The following NLN variants were observed in gnomAD, a reference collection of about 807,000 sequenced individuals.
The protein encoded by NLN is neurolysin.
In NLN, 64 loss-of-function variants were observed where a neutral mutation model predicts 79.9. The observed-to-expected ratio is 0.80, with a 90% CI of 0.65 to 0.99. The LOEUF (loss-of-function observed/expected upper bound fraction) is 0.99. Among genes scored for constraint, NLN ranks in the 50% least tolerant of loss-of-function variants. The probability of loss-of-function intolerance (pLI) is 0.00; values close to 1 mark genes in which losing one functional copy is unlikely to be tolerated. For missense variants in NLN, 835 were observed against 858.7 expected (o/e 0.97, Z 0.34); for synonymous variants, 267 against 296.6 (o/e 0.90, Z 1.02).
chr5:65,734,559 GACTCTGCCC>G (rs1480507788), intron 1 of NLN, among the ~76,000 whole-genome samples: 1 of 150,422 alleles, frequency 6.6e-6, no homozygotes, highest in Admixed American at 6.6e-5. Context: ...AAAAAAGAAA[GACTCTGCCC>G]ATTCTGCCCA....
At chr5:65,759,864 C>T (rs961043872) in intron 2 of NLN, among the ~76,000 whole-genome samples, 2 of 152,140 alleles carry the variant, frequency 1.3e-5, no homozygotes, top group Non-Finnish European at 1.5e-5. Flanking sequence ...TTATGTATTT[C>T]TCTATTTTCT....
intron 1 of NLN, among the ~76,000 whole-genome samples, chr5:65,740,230 G>A (rs1279739777): frequency 1.3e-5 from 2 of 152,134 alleles, no homozygotes; most frequent in Admixed American, 6.5e-5. Context: ...TCTGCATCTG[G>A]TGAGGGCCTT....
At chr5:65,722,577 C>CGCGGCCACCTGGG (rs1758341181) in intron 1 of NLN, among the ~76,000 whole-genome samples, 163 bp downstream of exon 1, 2 of 152,330 alleles carry the variant, frequency 1.3e-5, no homozygotes, top group East Asian at 1.9e-4. Context: ...GGACACCTGG[C>CGCGGCCACCTGGG]GCGGCCACCT....
At chr5:65,743,261 G>A (rs1438557988) in intron 1 of NLN, among the ~76,000 whole-genome samples, 3 of 152,140 alleles carry the variant, frequency 2.0e-5, no homozygotes, top group African/African-American at 7.2e-5. Context: ...CTACATTGGG[G>A]ATTAATTTAT....
chr5:65,809,556 C>T lies in NLN; in HGVS notation c.1569C>T (p.Asp523=). ...ARFSGTNVET[D]FVEVPSQMLE... ...TTAGCGGAACAAATGTGGAAACTGA[C>T]TTTGTAGAGGTGCCATCGCAAATGC... Residue 523 remains aspartate (D), a synonymous_variant, in exon 10 of 13, where the codon GAC becomes GAT. Transcript: ENST00000380985. The T allele has an allele frequency of 6.2e-6, 10 of 1,610,698 alleles. No individual in the cohort carries two copies. Among genetic ancestry groups the T allele is most frequent in the South Asian group, 1.1e-5 (1 of 90,084 alleles).
chr5:65,723,404 C>T (rs1758367014), intron 1 of NLN, among the ~76,000 whole-genome samples: 1 of 152,148 alleles, frequency 6.6e-6, no homozygotes, highest in Non-Finnish European at 1.5e-5. Context: ...ATATTTCAGC[C>T]TGTCGTTTTT....
intron 1 of NLN, chr5:65,723,107 G>A (rs186021352): frequency 6.6e-5 from 10 of 152,164 alleles, no homozygotes; most frequent in Admixed American, 6.5e-5. Context: ...TTCTTTGCAC[G>A]GATGCGCTGG....
At chr5:65,723,207 T>G (rs1038365486) in intron 1 of NLN, among the ~76,000 whole-genome samples, 1 of 152,224 alleles carries the variant, frequency 6.6e-6, no homozygotes, top group Non-Finnish European at 1.5e-5. Context: ...AAAGAAAATG[T>G]GTGCTTCTTG....
At chr5:65,795,873 T>C (rs868775598) in intron 9 of NLN, among the ~76,000 whole-genome samples, 8 of 152,214 alleles carry the variant, frequency 5.3e-5, no homozygotes, top group Non-Finnish European at 1.0e-4. Flanking sequence ...TTTAGACTTA[T>C]GGTATATTAC....
chr5:65,741,944 G>A (rs1402497958), intron 1 of NLN, among the ~76,000 whole-genome samples: 2 of 152,078 alleles, frequency 1.3e-5, no homozygotes, highest in African/African-American at 4.8e-5. Context: ...ATTATCTTTT[G>A]TTACTTATTT....
At chr5:65,783,713 A>G (rs1377767657) in intron 6 of NLN, among the ~76,000 whole-genome samples, 1 of 151,878 alleles carries the variant, frequency 6.6e-6, no homozygotes, top group African/African-American at 2.4e-5. Context: ...TAAAAAAAAA[A>G]AAAAAATTCA....
intron 1 of NLN, among the ~76,000 whole-genome samples, chr5:65,741,181 A>G (rs944502873): frequency 6.6e-6 from 1 of 152,022 alleles, no homozygotes; most frequent in Non-Finnish European, 1.5e-5. Flanking sequence ...CTTTGTAATA[A>G]GTTTTGAAGT....
intron 12 of NLN, chr5:65,819,021 T>G (rs1212673023): frequency 6.6e-6 from 1 of 152,198 alleles, no homozygotes; most frequent in African/African-American, 2.4e-5. Context: ...CCTGAAAGGG[T>G]GCATATTATT....
Position 65,788,323 on chromosome 5 carries a change from G to A in NLN, c.1164G>A (p.Val388=). The change falls in exon 8 of 13, where the codon GTG becomes GTA. Residue 388 remains valine (V), a synonymous_variant. Coordinates refer to ENST00000380985, the MANE Select transcript of NLN (RefSeq NM_020726.5). ...TCAAGGAATACTTCCCAATTGAGGT[G>A]GTCACTGAAGGCTTGCTGAACACCT... ...EFLKEYFPIE[V]VTEGLLNTYQ... The A allele has an allele frequency of 6.2e-7, 1 of 1,614,072 alleles. No individual in the cohort carries two copies. The highest frequency in any genetic ancestry group is 8.5e-7 in the Non-Finnish European group (1 of 1,179,980).
At chr5:65,757,560 A>G (rs920590796) in intron 1 of NLN, among the ~76,000 whole-genome samples, 1 of 152,104 alleles carries the variant, frequency 6.6e-6, no homozygotes, top group Non-Finnish European at 1.5e-5. Context: ...TACTAAATAT[A>G]ACATTTTTAT....
At chr5:65,818,070 A>C (rs1035462059) in intron 12 of NLN, among the ~76,000 whole-genome samples, 1 of 152,230 alleles carries the variant, frequency 6.6e-6, no homozygotes, top group African/African-American at 2.4e-5. Flanking sequence ...AGGAATTCGA[A>C]TTGATTTCCA....
At chr5:65,810,273 A>C (rs1760516010) in intron 11 of NLN, 108 bp downstream of exon 11, 2 of 960,452 alleles carry the variant, frequency 2.1e-6, no homozygotes, top group African/African-American at 1.6e-5. Flanking sequence ...ATTGTTTCTG[A>C]TTTCTGTAAT....
intron 1 of NLN, among the ~76,000 whole-genome samples, chr5:65,741,190 G>T (rs570015988): frequency 6.6e-6 from 1 of 152,018 alleles, no homozygotes; most frequent in Non-Finnish European, 1.5e-5. Context: ...AAGTTTTGAA[G>T]TGAGGTAGTA....
intron 1 of NLN, among the ~76,000 whole-genome samples, chr5:65,746,958 C>T (rs558818230): frequency 1.6e-4 from 24 of 149,268 alleles, no homozygotes; most frequent in South Asian, 1.5e-3. Context: ...GAGCTGAGAT[C>T]GTGCCACTGC....
Sources: gnomAD v4.1 joint callset for allele counts (sites outside exome capture counted in the v4.1 genomes callset) on GRCh38, gnomAD v4.1.1 for gene constraint, MANE v1.5 for transcripts, NCBI Gene and HGNC (gene_info 2026-07-23, HGNC 2026-07-21) for gene names.